The following CSMD3 variants were observed in gnomAD, a reference collection of about 807,000 sequenced individuals.
CSMD3 encodes the protein CUB and sushi domain-containing protein 3.
CSMD3 carries 177 observed loss-of-function variants against 435.2 expected under a neutral mutation model. The ratio of observed to expected loss-of-function variants is 0.41; its 90% CI spans 0.36 to 0.46. The LOEUF (loss-of-function observed/expected upper bound fraction) is 0.46, where lower values mean the gene tolerates loss of function less well. Among genes scored for constraint, CSMD3 ranks in the 20% least tolerant of loss-of-function variants. The pLI, the probability that CSMD3 is intolerant of heterozygous loss-of-function variation, is 0.34. For synonymous variants in CSMD3, 1,656 were observed against 1,520.5 expected (o/e 1.09, Z -2.07); for missense variants, 4,265 against 4,504.6 (o/e 0.95, Z 1.52).
chr8:112,660,016 C>T (rs1363782600), intron 17 of CSMD3, among the ~76,000 whole-genome samples: 1 of 151,944 alleles, frequency 6.6e-6, no homozygotes, highest in African/African-American at 2.4e-5. Flanking sequence ...TTGTTTTCAA[C>T]AAATTTAAAT....
chr8:112,940,140 T>C, intron 9 of CSMD3, among the ~76,000 whole-genome samples: 1 of 152,052 alleles, frequency 6.6e-6, no homozygotes, highest in East Asian at 1.9e-4. Context: ...GTATGGTTGA[T>C]TTACATTATG....
At chr8:113,420,790 A>G (rs970309094) in intron 1 of CSMD3, among the ~76,000 whole-genome samples, 10 of 152,202 alleles carry the variant, frequency 6.6e-5, no homozygotes, top group African/African-American at 1.9e-4. Flanking sequence ...TCTACTAAAA[A>G]ATAAAAAAAT....
intron 6 of CSMD3, among the ~76,000 whole-genome samples, chr8:112,977,235 T>C (rs2084887336): frequency 6.6e-6 from 1 of 152,028 alleles, no homozygotes; most frequent in Admixed American, 6.6e-5. Context: ...AATATTGAAA[T>C]TTGGAGCTGC....
chr8:112,487,442 G>T (rs1820248371), intron 31 of CSMD3, among the ~76,000 whole-genome samples: 1 of 152,160 alleles, frequency 6.6e-6, no homozygotes, highest in South Asian at 2.1e-4. Flanking sequence ...GGAGCCTGGT[G>T]TCACTCAAAG....
At chr8:112,617,752 C>T (rs1198236552) in intron 22 of CSMD3, among the ~76,000 whole-genome samples, 1 of 152,110 alleles carries the variant, frequency 6.6e-6, no homozygotes, top group Non-Finnish European at 1.5e-5. Flanking sequence ...TCTTAATGTA[C>T]ATTGATAATT....
intron 45 of CSMD3, among the ~76,000 whole-genome samples, chr8:112,332,089 C>T (rs1460051336): frequency 6.6e-6 from 1 of 152,118 alleles, no homozygotes; most frequent in Non-Finnish European, 1.5e-5. Flanking sequence ...TGAATGCACA[C>T]TTCCCACTGT....
In CSMD3 at chr8:113,117,290, G is replaced by C. The variant is rs112948440; in HGVS notation, c.710-18327C>G. Among the ~76,000 whole-genome samples the C allele has an allele frequency of 6.8e-3, 1,031 of 152,310 alleles. 9 individuals are homozygous for C. The highest frequency in any genetic ancestry group is 7.5e-3 in the Non-Finnish European group (509 of 68,018). On this transcript the variant is annotated intron_variant, in intron 4 of 70. Transcript: ENST00000297405. The stretch of plus-strand genomic sequence containing the variant: ...CCCAGCCATGGCTAAAATGGGCCAA[G>C]GTACAGCTTGGGCCATGGCTTCAGC...
Position 112,571,884 on chromosome 8 carries a change from AAAAG to A in CSMD3, c.4042+1613_4042+1616del, listed in dbSNP as rs771385974. Reference sequence around the variant, plus strand: ...AACTCTGTCTCAAATAAAAAAAAAAAAAAGAAAGAAAGAAAGAAAGAAAATAAAA... The same window carrying A: ...AACTCTGTCTCAAATAAAAAAAAAAAAAAGAAAGAAAGAAAGAAAATAAAA... On this transcript the variant is annotated intron_variant, in intron 24 of 70. Transcript: ENST00000297405. 4.2e-3 allele frequency among the ~76,000 whole-genome samples: 629 copies of A among 148,976 alleles called. 1 individual carries two copies. Among genetic ancestry groups the A allele is most frequent in the African/African-American group, 0.014 (560 of 40,240 alleles).
chr8:112,809,679 A>G (rs900322226), intron 12 of CSMD3, among the ~76,000 whole-genome samples: 2 of 152,168 alleles, frequency 1.3e-5, no homozygotes, highest in African/African-American at 4.8e-5. Flanking sequence ...ACTCCCAGTG[A>G]TTAAGATGGG....
chr8:112,782,285 G>T (rs1469526442), intron 13 of CSMD3, among the ~76,000 whole-genome samples: 2 of 151,962 alleles, frequency 1.3e-5, no homozygotes, highest in East Asian at 1.9e-4. Context: ...AGCTGAAAAA[G>T]GCAATTGACA....
chr8:112,289,574 A>T (rs1819556440), intron 56 of CSMD3, 36 bp from the exon 57 acceptor site: 2 of 1,388,144 alleles, frequency 1.4e-6, no homozygotes, highest in Non-Finnish European at 2.0e-6. Context: ...AAATTTTTTT[A>T]TATCTCCTAT....
chr8:112,253,775 G>A (rs1402096945), intron 63 of CSMD3, among the ~76,000 whole-genome samples: 1 of 151,928 alleles, frequency 6.6e-6, no homozygotes, highest in African/African-American at 2.4e-5. Context: ...TTATTTTTCA[G>A]CAATTTCCCA....
intron 9 of CSMD3, among the ~76,000 whole-genome samples, chr8:112,932,402 A>G (rs1342817275): frequency 6.6e-6 from 1 of 152,194 alleles, no homozygotes; most frequent in East Asian, 1.9e-4. Flanking sequence ...TCTCATAGAC[A>G]TAGAAAGTAG....
chr8:112,649,264 A>G (rs2075061068), intron 19 of CSMD3, among the ~76,000 whole-genome samples: 1 of 152,236 alleles, frequency 6.6e-6, no homozygotes, highest in African/African-American at 2.4e-5. Flanking sequence ...ATTTTTAAAT[A>G]CCAGTTAGAG....
chr8:112,962,023 A>G (rs552781542), intron 7 of CSMD3, among the ~76,000 whole-genome samples: 1 of 152,098 alleles, frequency 6.6e-6, no homozygotes, highest in South Asian at 2.1e-4. Context: ...AGATACTTTT[A>G]ACACTTTAAA....
chr8:112,511,705 A>G (rs1823161892), intron 28 of CSMD3, among the ~76,000 whole-genome samples: 1 of 152,016 alleles, frequency 6.6e-6, no homozygotes, highest in Admixed American at 6.6e-5. Context: ...TTTTCGTAAA[A>G]TAAGATAATA....
At chr8:113,181,009 A>T (rs1219484373) in intron 3 of CSMD3, among the ~76,000 whole-genome samples, 2 of 151,928 alleles carry the variant, frequency 1.3e-5, no homozygotes, top group Non-Finnish European at 2.9e-5. Flanking sequence ...GACAACTATT[A>T]TATGTTATTT....
chr8:112,851,395 T>G (rs1034558996), intron 11 of CSMD3, among the ~76,000 whole-genome samples: 1 of 152,106 alleles, frequency 6.6e-6, no homozygotes, highest in Non-Finnish European at 1.5e-5. Flanking sequence ...TTCTTCCCCC[T>G]GATAATCTAC....
chr8:113,181,619 C>G (rs567196288), intron 3 of CSMD3, among the ~76,000 whole-genome samples: 29 of 152,106 alleles, frequency 1.9e-4, no homozygotes, highest in Non-Finnish European at 3.2e-4. Flanking sequence ...GTTTTGTAAA[C>G]TCTATAACCA....
Sources: allele counts gnomAD v4.1 joint callset (sites outside exome capture counted in the v4.1 genomes callset), GRCh38; gene constraint gnomAD v4.1.1; transcripts MANE v1.5; gene names NCBI Gene and HGNC (gene_info 2026-07-23, HGNC 2026-07-21).